ARMC2: variants seen among roughly 807,000 people sequenced by gnomAD.
The protein encoded by ARMC2 is armadillo repeat containing 2, also known as armadillo repeat-containing protein 2.
ARMC2 carries 67 observed loss-of-function variants against 90.3 expected under a neutral mutation model. The ratio of observed to expected loss-of-function variants is 0.74; its 90% CI spans 0.61 to 0.91. ARMC2 has a LOEUF of 0.91. Ranked by LOEUF, ARMC2 falls within the 40% of genes least tolerant of loss-of-function variation. The pLI is 0.00. For missense variants in ARMC2, 920 were observed against 1,030.9 expected, an observed-to-expected ratio of 0.89 and a Z score of 1.47; for synonymous variants, 393 against 393.0, an observed-to-expected ratio of 1.00 and a Z score of 0.00.
At chr6:108,990,507 T>C in the ARMC2 span, 4 of 768,328 alleles carry the variant, frequency 5.2e-6, no homozygotes, top group East Asian at 2.6e-5. Context: ...CTTTGAAGCA[T>C]AAATAGCATA....
At chr6:108,998,416 A>T in the ARMC2 span, 1 of 1,459,838 alleles carries the variant, frequency 6.9e-7, no homozygotes, top group Non-Finnish European at 9.4e-7. Context: ...CCACAGTCTT[A>T]ACAGGGTGGG....
chr6:109,019,928 G>A, the ARMC2 span, among the ~76,000 whole-genome samples: 4 of 152,102 alleles, frequency 2.6e-5, no homozygotes, highest in Admixed American at 6.6e-5. Flanking sequence ...TTCAAATATT[G>A]CACACTAAAT....
chr6:109,016,020 A>T, the ARMC2 span, among the ~76,000 whole-genome samples: 3 of 152,224 alleles, frequency 2.0e-5, no homozygotes, highest in Non-Finnish European at 2.9e-5. Context: ...CATTCAAAAT[A>T]GATTAAAACC....
At chr6:108,983,465 T>TGCATA in the ARMC2 span, among the ~76,000 whole-genome samples, 1 of 152,230 alleles carries the variant, frequency 6.6e-6, no homozygotes, top group East Asian at 1.9e-4. Context: ...TTCTTTTGCA[T>TGCATA]GTGCATATCT....
chr6:108,975,866 A>C (rs1271345543), downstream of ARMC2, among the ~76,000 whole-genome samples: 2 of 151,846 alleles, frequency 1.3e-5, no homozygotes, highest in African/African-American at 2.4e-5. Flanking sequence ...TTTTCTTATA[A>C]ATTTGTTTAA....
At chr6:108,907,970 A>G in intron 8 of ARMC2, 1 of 1,069,308 alleles carries the variant, frequency 9.4e-7, no homozygotes, top group South Asian at 1.6e-5. Context: ...TAATCATTAA[A>G]CATTTATTAA....
At chr6:109,009,366 TG>T in the ARMC2 span, 2 of 1,469,018 alleles carry the variant, frequency 1.4e-6, no homozygotes, top group South Asian at 1.3e-5. Context: ...TACCTCGTCC[TG>T]GTCGCGGCCC....
chr6:108,975,911 A>C (rs979821914), downstream of ARMC2, among the ~76,000 whole-genome samples: 1 of 152,164 alleles, frequency 6.6e-6, no homozygotes, highest in Non-Finnish European at 1.5e-5. Flanking sequence ...GCCCTTTGTC[A>C]GATGGATAGA....
chr6:108,941,861 T>C (rs1776467198), intron 12 of ARMC2, among the ~76,000 whole-genome samples: 2 of 152,236 alleles, frequency 1.3e-5, no homozygotes, highest in African/African-American at 2.4e-5. Flanking sequence ...TTACTTATAA[T>C]AAAGATTGAA....
intron 15 of ARMC2, among the ~76,000 whole-genome samples, chr6:108,963,239 A>C (rs529571588): frequency 6.6e-6 from 1 of 152,312 alleles, no homozygotes; most frequent in African/African-American, 2.4e-5. Context: ...CTCAAATATT[A>C]GTATACTTTG....
At chr6:109,011,725 C>T in the ARMC2 span, among the ~76,000 whole-genome samples, 9 of 151,326 alleles carry the variant, frequency 5.9e-5, no homozygotes, top group African/African-American at 2.2e-4. Context: ...ACCTCCAGGG[C>T]TCAAGTGATC....
chr6:109,035,190 A>G, the ARMC2 span, among the ~76,000 whole-genome samples: 2 of 152,210 alleles, frequency 1.3e-5, no homozygotes, highest in Middle Eastern at 3.4e-3. Context: ...TTTTCATCCT[A>G]GAAGTTCAAC....
intron 7 of ARMC2, among the ~76,000 whole-genome samples, chr6:108,901,174 C>T (rs1380071909): frequency 2.5e-5 from 3 of 121,562 alleles, no homozygotes; most frequent in African/African-American, 3.2e-5. Flanking sequence ...AGTGCAGTGG[C>T]GCAATCTCGG....
At chr6:109,047,364 C>G in the ARMC2 span, among the ~76,000 whole-genome samples, 2 of 131,236 alleles carry the variant, frequency 1.5e-5, no homozygotes, top group East Asian at 2.4e-4. Context: ...GCCCCCTGCC[C>G]GGCCAGCCGC....
the ARMC2 span, chr6:108,998,941 TTAACA>T: frequency 5.6e-6 from 3 of 539,354 alleles, no homozygotes; most frequent in Non-Finnish European, 6.3e-6. Flanking sequence ...CAAATAGAAC[TTAACA>T]TAATCTGTTA....
chr6:108,918,009 A>G (rs1774147647), intron 10 of ARMC2, among the ~76,000 whole-genome samples: 1 of 152,154 alleles, frequency 6.6e-6, no homozygotes, highest in Non-Finnish European at 1.5e-5. Context: ...AAACTTTCAG[A>G]TGCCAGCAGG....
chr6:108,936,546 A>G (rs1362023648), intron 11 of ARMC2, among the ~76,000 whole-genome samples: 1 of 152,194 alleles, frequency 6.6e-6, no homozygotes, highest in African/African-American at 2.4e-5. Flanking sequence ...GTGAGGCACC[A>G]CGCCTGGCCT....
chr6:108,886,906 TG>T (rs1770416060), intron 5 of ARMC2, among the ~76,000 whole-genome samples: 1 of 144,546 alleles, frequency 6.9e-6, no homozygotes, highest in South Asian at 2.3e-4. Context: ...TTGTTTGTTT[TG>T]TTTTTTTTTT....
the ARMC2 span, among the ~76,000 whole-genome samples, chr6:108,983,944 A>T: frequency 6.6e-6 from 1 of 152,184 alleles, no homozygotes; most frequent in Non-Finnish European, 1.5e-5. Flanking sequence ...GCCTGTTAGG[A>T]ACTGGCTGCA....
Sources: gnomAD v4.1 joint callset for allele counts (sites outside exome capture counted in the v4.1 genomes callset) on GRCh38, gnomAD v4.1.1 for gene constraint, MANE v1.5 for transcripts, NCBI Gene and HGNC (gene_info 2026-07-23, HGNC 2026-07-21) for gene names.